Variants in ABCA12 observed in about 807,000 individuals in gnomAD.
ABCA12 encodes ATP binding cassette subfamily A member 12.
In ABCA12, 156 loss-of-function variants were observed where a neutral mutation model predicts 293.5. The observed-to-expected ratio is 0.53, with a 90% confidence interval of 0.47 to 0.61. ABCA12 has a LOEUF of 0.61. ABCA12 is among the 20% of genes least tolerant of loss of function. ABCA12 has a pLI of 0.00. For synonymous variants in ABCA12, 1,063 were observed against 1,108.0 expected (o/e 0.96, Z 0.81); for missense variants, 2,797 against 3,090.2 (o/e 0.91, Z 2.25).
intron 1 of ABCA12, among the ~76,000 whole-genome samples, chr2:215,124,013 T>C (rs777705874): frequency 2.0e-5 from 3 of 152,212 alleles, no homozygotes; most frequent in Non-Finnish European, 2.9e-5. Flanking sequence ...AGTGAGAACA[T>C]ACAACGTTTG....
chr2:215,127,931 G>T (rs369434448), intron 1 of ABCA12, among the ~76,000 whole-genome samples: 1 of 152,134 alleles, frequency 6.6e-6, no homozygotes, highest in Non-Finnish European at 1.5e-5. Flanking sequence ...CTGTTTTGAT[G>T]TGTTTCCAGG....
chr2:214,948,522 G>C lies in ABCA12; in HGVS notation c.7104+74C>G, dbSNP rs545211116. On this transcript the variant is annotated intron_variant, in intron 47 of 52. Coordinates refer to ENST00000272895, the MANE Select transcript of ABCA12 (RefSeq NM_173076.3). The stretch of plus-strand genomic sequence containing the variant: ...AATGGTGGGGCAGGGGGGACAGTGG[G>C]TGTGGTGGGGTGGGGGATGGAAGTA... 9.4e-6 allele frequency: 14 copies of C among 1,493,254 alleles called. No individual in the cohort carries two copies. The Admixed American group carries it at 2.3e-4, about 25-fold the overall frequency. 92.5% of individuals were successfully genotyped at this position (1,493,254 alleles called of 1,614,324 possible). A position where few individuals can be genotyped will look rare whatever the true frequency, so the allele number is the denominator to read the frequency against.
intron 3 of ABCA12, among the ~76,000 whole-genome samples, chr2:215,059,419 G>T (rs904022220): frequency 2.0e-5 from 3 of 151,924 alleles, no homozygotes; most frequent in Non-Finnish European, 2.9e-5. Context: ...TTCCCTAAGG[G>T]TCATCCATAC....
intron 35 of ABCA12, 128 bp from the exon 36 acceptor site, chr2:214,974,170 T>C: frequency 1.2e-6 from 1 of 861,672 alleles, no homozygotes; most frequent in Non-Finnish European, 1.9e-6. Context: ...TACTGATTTT[T>C]CATAACTTCA....
At chr2:215,073,919 A>G (rs188129650) in intron 2 of ABCA12, among the ~76,000 whole-genome samples, 80 of 152,328 alleles carry the variant, frequency 5.3e-4, no homozygotes, top group African/African-American at 1.8e-3. Flanking sequence ...GAGCTTAGGA[A>G]ACTAAACTCT....
At chr2:214,967,154 T>C (rs1442721729) in intron 38 of ABCA12, among the ~76,000 whole-genome samples, 1 of 152,132 alleles carries the variant, frequency 6.6e-6, no homozygotes, top group Non-Finnish European at 1.5e-5. Context: ...CAGGCAGAAA[T>C]TGGGAAGAGA....
At position 214,946,729 on chromosome 2, in the gene ABCA12, A is replaced by G. The variant is rs986332645; in HGVS notation, c.7239+693T>C. Among the ~76,000 whole-genome samples, 3 of 152,194 alleles carry G rather than the reference A, an allele frequency of 2.0e-5. No homozygotes were observed. In the South Asian group the frequency reaches 6.2e-4, roughly 31 times the overall value. ...AACGGGATTTTCCAAAATAAGGGCA[A>G]GTATATTTTTCTGAAATAACCATCC... On this transcript the variant is annotated intron_variant, in intron 48 of 52. Coordinates refer to ENST00000272895, the MANE Select transcript of ABCA12 (RefSeq NM_173076.3).
rs553306942 is a variant in ABCA12, at chr2:215,064,342, G to A, written c.164-123C>T. The A allele has an allele frequency of 1.2e-4, 113 of 953,944 alleles. No individual in the cohort carries two copies. The African/African-American group carries it at 1.7e-3, about 14-fold the overall frequency. The allele number at this position is 953,944 out of a possible 1,614,324, so 59.1% of individuals were successfully genotyped here. On this transcript the variant is annotated intron_variant, in intron 2 of 52. Transcript: ENST00000272895. ...TTACCACTCTCCGGGTCCCCCAACTGAGCCCCAACTCTGCAACTAACACTC... is the reference window on the plus strand; with the variant it reads ...TTACCACTCTCCGGGTCCCCCAACTAAGCCCCAACTCTGCAACTAACACTC...
chr2:214,994,924 A>G (rs916039406), intron 23 of ABCA12, among the ~76,000 whole-genome samples: 5 of 152,210 alleles, frequency 3.3e-5, no homozygotes, highest in African/African-American at 1.2e-4. Context: ...CATGACTTAC[A>G]TTAGATCAAA....
intron 19 of ABCA12, among the ~76,000 whole-genome samples, chr2:215,005,113 T>C (rs1422200397): frequency 1.3e-5 from 2 of 152,202 alleles, no homozygotes; most frequent in East Asian, 3.8e-4. Context: ...TTAACTTGAC[T>C]TTCTCACTTT....
chr2:215,129,946 G>A (rs1043636191), intron 1 of ABCA12, among the ~76,000 whole-genome samples: 1 of 152,078 alleles, frequency 6.6e-6, no homozygotes, highest in South Asian at 2.1e-4. Context: ...TTCTGCATAT[G>A]GCTAGCTAGT....
At chr2:215,033,802 G>A (rs10207426) in intron 8 of ABCA12, among the ~76,000 whole-genome samples, 150,508 of 152,112 alleles carry the variant, frequency 0.99, 74,479 homozygotes, top group East Asian at 1. Context: ...TTAGCCGGGC[G>A]TGGTAGCAGG....
chr2:215,126,892 A>G (rs1278571303), intron 1 of ABCA12, among the ~76,000 whole-genome samples: 1 of 151,798 alleles, frequency 6.6e-6, no homozygotes, highest in Non-Finnish European at 1.5e-5. Context: ...TAGAGTGTCA[A>G]TTTGTGCTCT....
chr2:215,069,937 A>G (rs1375360311), intron 2 of ABCA12, among the ~76,000 whole-genome samples: 1 of 152,254 alleles, frequency 6.6e-6, no homozygotes, highest in Non-Finnish European at 1.5e-5. Flanking sequence ...CACATTGTAA[A>G]CAATTTTAAA....
At chr2:215,091,926 T>G (rs1214453262) in intron 2 of ABCA12, among the ~76,000 whole-genome samples, 4 of 152,216 alleles carry the variant, frequency 2.6e-5, no homozygotes, top group African/African-American at 9.6e-5. Context: ...CCTCCTAAGC[T>G]GTGTCCCGTC....
At chr2:215,070,899 G>A (rs376207548) in intron 2 of ABCA12, among the ~76,000 whole-genome samples, 4 of 151,994 alleles carry the variant, frequency 2.6e-5, no homozygotes, top group East Asian at 1.9e-4. Context: ...ATAAACCTTC[G>A]GCTAGGAGCA....
intron 20 of ABCA12, 116 bp from the exon 21 acceptor site, chr2:215,001,853 G>A: frequency 1.1e-6 from 1 of 897,636 alleles, no homozygotes; most frequent in Non-Finnish European, 1.7e-6. Flanking sequence ...ACAAAAGCCT[G>A]CAGAATTTAC....
At chr2:214,956,488 AAGT>A (rs1253886673) in intron 42 of ABCA12, among the ~76,000 whole-genome samples, 172 bp downstream of exon 42, 1 of 133,292 alleles carries the variant, frequency 7.5e-6, no homozygotes, top group Non-Finnish European at 1.8e-5. Flanking sequence ...TAATTTTCAA[AAGT>A]ATTATACTTT....
intron 30 of ABCA12, 67 bp downstream of exon 30, chr2:214,982,120 C>A (rs1574960531): frequency 1.3e-6 from 2 of 1,566,866 alleles, no homozygotes; most frequent in East Asian, 4.5e-5. Context: ...CCTCAGTTTG[C>A]TTTTGTATAT....
Sources: gnomAD v4.1 joint callset for allele counts (sites outside exome capture counted in the v4.1 genomes callset) on GRCh38, gnomAD v4.1.1 for gene constraint, MANE v1.5 for transcripts, NCBI Gene and HGNC (gene_info 2026-07-23, HGNC 2026-07-21) for gene names.